The following FAT3 variants were observed in gnomAD, a reference collection of about 807,000 sequenced individuals.
FAT3 encodes FAT atypical cadherin 3.
A neutral mutation model predicts 310.2 loss-of-function variants in FAT3; 95 were observed. The observed-to-expected ratio is 0.31, with a 90% CI of 0.26 to 0.36. The LOEUF is 0.36. Ranked by LOEUF, FAT3 falls within the 10% of genes least tolerant of loss-of-function variation. The pLI is 1.00. For synonymous variants in FAT3, 2,314 were observed against 2,192.9 expected (o/e 1.06, Z -1.54); for missense variants, 5,408 against 5,715.6 (o/e 0.95, Z 1.74).
At chr11:92,561,006 G>A (rs1053859430) in intron 3 of FAT3, among the ~76,000 whole-genome samples, 2 of 151,860 alleles carry the variant, frequency 1.3e-5, no homozygotes, top group African/African-American at 4.8e-5. Context: ...TGTCAATGTG[G>A]TACTCTCTTA....
intron 3 of FAT3, among the ~76,000 whole-genome samples, chr11:92,592,525 T>C (rs1231660895): frequency 6.6e-6 from 1 of 152,010 alleles, no homozygotes; most frequent in African/African-American, 2.4e-5. Flanking sequence ...TTTCACCGTG[T>C]TGGTCAGGCT....
chr11:92,488,757 A>G (rs921141135), intron 2 of FAT3, among the ~76,000 whole-genome samples: 4 of 151,932 alleles, frequency 2.6e-5, no homozygotes, highest in Admixed American at 1.3e-4. Flanking sequence ...GCCTTCTCCC[A>G]CCTCAGCCTG....
intron 4 of FAT3, among the ~76,000 whole-genome samples, chr11:92,716,096 C>T (rs1316696079): frequency 6.6e-6 from 1 of 152,106 alleles, no homozygotes; most frequent in Admixed American, 6.6e-5. Context: ...TGGGATCAGA[C>T]CAGCTGGTTA....
chr11:92,477,847 C>G (rs994373723), intron 2 of FAT3, among the ~76,000 whole-genome samples: 2 of 152,168 alleles, frequency 1.3e-5, no homozygotes, highest in African/African-American at 2.4e-5. Flanking sequence ...CAGACTTGAC[C>G]TTGCTTAACT....
chr11:92,369,596 G>T (rs1434809258), intron 2 of FAT3, among the ~76,000 whole-genome samples: 2 of 152,100 alleles, frequency 1.3e-5, no homozygotes, highest in South Asian at 4.1e-4. Flanking sequence ...GGTAGGTCAA[G>T]GCGGGCAGAT....
rs750108442 is a variant in FAT3 at position 92,352,649 on chromosome 11, G to T, written c.537G>T (p.Gln179His). 6.2e-7 allele frequency: 1 copy of T among 1,613,674 alleles called. No homozygotes were observed. Among genetic ancestry groups the T allele is most frequent in the African/African-American group, 1.3e-5 (1 of 74,916 alleles). Reference protein sequence around the residue: ...ESTPLRTSVAQVTATDADIGS... With the variant: ...ESTPLRTSVAHVTATDADIGS... Reference sequence around the variant, plus strand: ...CACCTCTAAGGACTAGTGTTGCCCAGGTGACTGCAACAGACGCAGATATTG... The same window carrying T: ...CACCTCTAAGGACTAGTGTTGCCCATGTGACTGCAACAGACGCAGATATTG... The change falls in exon 2 of 28, where the codon CAG becomes CAT. Residue 179 changes from glutamine to histidine, a missense_variant. Physicochemically the swap from Gln to His is conservative, Grantham distance 24. Coordinates refer to ENST00000525166, the MANE Select transcript of FAT3 (RefSeq NM_001367949.2).
rs150162415 is a variant in FAT3 at position 92,646,352 on chromosome 11, G to A, written c.3608-51032G>A. Reference sequence around the variant, plus strand: ...ACATCAGGGTTCTAAGAAGTCCAGAGAGAATGTGCTAGTTGTCTGAGAAGA... The same window carrying A: ...ACATCAGGGTTCTAAGAAGTCCAGAAAGAATGTGCTAGTTGTCTGAGAAGA... On this transcript the variant is annotated intron_variant, in intron 3 of 27. Transcript: ENST00000525166. Among the ~76,000 whole-genome samples the A allele has an allele frequency of 1.5e-3, 233 of 152,322 alleles. 1 individual carries two copies. Among genetic ancestry groups the A allele is most frequent in the African/African-American group, 5.1e-3 (213 of 41,568 alleles).
rs556854271 is a variant in FAT3, at chr11:92,501,325, C to A, written c.3293-23309C>A. Among the ~76,000 whole-genome samples, 150 of 152,186 alleles carry A rather than the reference C, an allele frequency of 9.9e-4. 1 individual carries two copies. Among genetic ancestry groups the A allele is most frequent in the Non-Finnish European group, 1.8e-3 (123 of 67,984 alleles). ...CACTTTGCTTTGTGGTCTAGGTCAG[C>A]AAATGCAATTCTGTTTTAATTGTGG... is the stretch of plus-strand genomic sequence containing the variant. On this transcript the variant is annotated intron_variant, in intron 2 of 27. Transcript: ENST00000525166.
At position 92,353,943 on chromosome 11, in the gene FAT3, G is replaced by C; in HGVS notation, c.1831G>C (p.Val611Leu). The part of the protein sequence containing the change: ...SAIDIDELEL[V>L]KYKIISGNEL... Reference sequence around the variant, plus strand: ...GATCGATATCGATGAACTTGAACTTGTAAAGTACAAAATCATTTCTGGAAA... The same window carrying C: ...GATCGATATCGATGAACTTGAACTTCTAAAGTACAAAATCATTTCTGGAAA... Residue 611 changes from valine (V) to leucine (L), a missense_variant, in exon 2 of 28, where the codon GTA becomes CTA. Val to Leu is a conservative substitution (Grantham distance 32, BLOSUM62 1). Around this residue, in one of 5 missense-constraint regions of FAT3, gnomAD observed 4,588 missense variants for 4,809.8 expected, o/e 0.95. Transcript: ENST00000525166. 6.2e-7 allele frequency: 1 copy of C among 1,612,202 alleles called. No homozygotes were observed. The highest frequency in any genetic ancestry group is 8.5e-7 in the Non-Finnish European group (1 of 1,178,530).
intron 1 of FAT3, among the ~76,000 whole-genome samples, chr11:92,318,957 A>G (rs751817532): frequency 2.0e-5 from 3 of 152,198 alleles, no homozygotes; most frequent in African/African-American, 4.8e-5. Context: ...TTTGTTCTCA[A>G]CTATTTATGG....
chr11:92,479,781 T>C (rs1312370097), intron 2 of FAT3, among the ~76,000 whole-genome samples: 1 of 152,180 alleles, frequency 6.6e-6, no homozygotes, highest in Non-Finnish European at 1.5e-5. Context: ...ATAGTAGTTA[T>C]TTGCTTTACT....
At chr11:92,820,225 T>C (rs1403250285) in intron 13 of FAT3, among the ~76,000 whole-genome samples, 11 of 152,184 alleles carry the variant, frequency 7.2e-5, no homozygotes, top group African/African-American at 1.2e-4. Flanking sequence ...GGTGTCAGCA[T>C]TGGTCAGGTT....
Position 92,353,990 on chromosome 11 carries a change from A to G in FAT3, c.1878A>G (p.Leu626=). Residue 626 remains leucine, a synonymous_variant, in exon 2 of 28, where the codon TTA becomes TTG. Coordinates refer to ENST00000525166, the MANE Select transcript of FAT3 (RefSeq NM_001367949.2). ...ISGNELGFFY[L]NPDSGVLQLK... Reference sequence around the variant, plus strand: ...GAAATGAACTTGGCTTCTTTTATTTAAACCCAGATTCTGGTGTTTTACAGC... The same window carrying G: ...GAAATGAACTTGGCTTCTTTTATTTGAACCCAGATTCTGGTGTTTTACAGC... 6.2e-7 allele frequency: 1 copy of G among 1,613,058 alleles called. No homozygotes were observed. The highest frequency in any genetic ancestry group is 8.5e-7 in the Non-Finnish European group (1 of 1,179,462).
At chr11:92,849,419 C>A (rs773151043) in intron 19 of FAT3, among the ~76,000 whole-genome samples, 3 of 152,190 alleles carry the variant, frequency 2.0e-5, no homozygotes, top group Non-Finnish European at 4.4e-5. Context: ...ACACCAGGAC[C>A]TCTCTCCTTG....
At chr11:92,436,242 CA>C (rs1950936593) in intron 2 of FAT3, among the ~76,000 whole-genome samples, 1 of 152,156 alleles carries the variant, frequency 6.6e-6, no homozygotes, top group African/African-American at 2.4e-5. Context: ...TGGGCTCAAT[CA>C]GTACTCCCAC....
rs375125471 is a variant in FAT3, at chr11:92,354,863, T to G, written c.2751T>G (p.Phe917Leu). ...RDKAESGQQL[F>L]SVVTLKVFLD... ...AGGCAGAGAGTGGTCAGCAGCTGTT[T>G]TCAGTTGTCACTCTTAAAGTTTTTT... The change falls in exon 2 of 28, where the codon TTT (phenylalanine) becomes TTG (leucine). Residue 917 changes from phenylalanine (F) to leucine (L), a missense_variant. Around this residue, in one of 5 missense-constraint regions of FAT3, gnomAD observed 4,588 missense variants for 4,809.8 expected, o/e 0.95. Transcript: ENST00000525166. The G allele has an allele frequency of 6.2e-7, 1 of 1,613,768 alleles. No individual in the cohort carries two copies. Among genetic ancestry groups the G allele is most frequent in the African/African-American group, 1.3e-5 (1 of 74,920 alleles).
At chr11:92,833,558 A>G (rs1420257937) in intron 14 of FAT3, among the ~76,000 whole-genome samples, 1 of 152,226 alleles carries the variant, frequency 6.6e-6, no homozygotes, top group African/African-American at 2.4e-5. Flanking sequence ...TGACTCTAGA[A>G]TGCGTATTCT....
At chr11:92,743,193 G>A (rs987272529) in intron 4 of FAT3, among the ~76,000 whole-genome samples, 2 of 152,116 alleles carry the variant, frequency 1.3e-5, no homozygotes, top group Non-Finnish European at 2.9e-5. Flanking sequence ...CTCCAAGAGG[G>A]GTTTATAATA....
chr11:92,410,930 T>C (rs186781037), intron 2 of FAT3, among the ~76,000 whole-genome samples: 309 of 151,428 alleles, frequency 2.0e-3, no homozygotes, highest in Admixed American at 3.5e-3. Context: ...TCATACTCAA[T>C]TTTATTTTTA....
Sources: gnomAD v4.1 joint callset for allele counts (sites outside exome capture counted in the v4.1 genomes callset) on GRCh38, gnomAD v4.1.1 for gene constraint, gnomAD v4.1.1 regional missense constraint, MANE v1.5 for transcripts, NCBI Gene and HGNC (gene_info 2026-07-23, HGNC 2026-07-21) for gene names.